Variants in BRD10 observed in about 807,000 individuals in gnomAD.
The protein encoded by BRD10 is uncharacterized bromodomain-containing protein 10.
the BRD10 span, among the ~76,000 whole-genome samples, chr9:5,947,427 G>T: frequency 7.2e-5 from 11 of 152,148 alleles, no homozygotes; most frequent in African/African-American, 2.4e-4. Context: ...GAAAATACAA[G>T]ATTAATTTCC....
At chr9:5,903,432 T>C in the BRD10 span, among the ~76,000 whole-genome samples, 3 of 152,354 alleles carry the variant, frequency 2.0e-5, no homozygotes, top group African/African-American at 7.2e-5. Context: ...TTGAGTTTTT[T>C]TGCATCTATA....
At chr9:5,914,160 G>C in the BRD10 span, 2 of 392,070 alleles carry the variant, frequency 5.1e-6, no homozygotes, top group Non-Finnish European at 1.0e-5. Context: ...CCACGTGCAG[G>C]GGATCCCATG....
the BRD10 span, chr9:5,898,943 C>T: frequency 1.3e-5 from 2 of 152,136 alleles, no homozygotes; most frequent in Non-Finnish European, 2.9e-5. Context: ...CTTCTTTACC[C>T]AAATATGCAG....
At chr9:5,979,875 G>T in the BRD10 span, among the ~76,000 whole-genome samples, 1 of 151,640 alleles carries the variant, frequency 6.6e-6, no homozygotes, top group Non-Finnish European at 1.5e-5. Flanking sequence ...CATTAGCTGG[G>T]CATAGTGGCA....
chr9:5,965,526 T>C, the BRD10 span, among the ~76,000 whole-genome samples: 9 of 152,356 alleles, frequency 5.9e-5, no homozygotes, highest in African/African-American at 1.2e-4. Flanking sequence ...GTCTAATTCA[T>C]ACATTTTTCA....
chr9:5,933,557 A>C, the BRD10 span, among the ~76,000 whole-genome samples: 1 of 152,200 alleles, frequency 6.6e-6, no homozygotes, highest in African/African-American at 2.4e-5. Context: ...GATTGCTACA[A>C]CAAGGAACTG....
chr9:5,923,247 A>G, the BRD10 span: 1 of 1,613,626 alleles, frequency 6.2e-7, no homozygotes, highest in Non-Finnish European at 8.5e-7. Context: ...TTTGAAGGCA[A>G]TTCCTTTTTC....
the BRD10 span, chr9:5,913,843 G>T: frequency 7.8e-6 from 2 of 255,858 alleles, no homozygotes; most frequent in Non-Finnish European, 1.6e-5. Flanking sequence ...ACAGTTCAAA[G>T]AAATGGTCTC....
At chr9:5,954,390 A>G in the BRD10 span, among the ~76,000 whole-genome samples, 12 of 152,244 alleles carry the variant, frequency 7.9e-5, no homozygotes, top group African/African-American at 2.9e-4. Context: ...AAGTCACATT[A>G]CTACTGCTTA....
the BRD10 span, among the ~76,000 whole-genome samples, chr9:5,965,821 A>G: frequency 6.6e-6 from 1 of 152,222 alleles, no homozygotes; most frequent in Non-Finnish European, 1.5e-5. Flanking sequence ...GTATGCCCCG[A>G]ACTGACTATG....
the BRD10 span, among the ~76,000 whole-genome samples, chr9:5,993,481 T>C: frequency 2.6e-5 from 4 of 152,156 alleles, no homozygotes; most frequent in African/African-American, 7.2e-5. Flanking sequence ...TATTTACAAA[T>C]GTGCAGGCAA....
chr9:5,984,045 T>A, the BRD10 span, among the ~76,000 whole-genome samples: 1 of 146,168 alleles, frequency 6.8e-6, no homozygotes, highest in African/African-American at 2.6e-5. Flanking sequence ...AAATAAAAAC[T>A]TTTTCAGTCA....
the BRD10 span, among the ~76,000 whole-genome samples, chr9:5,903,509 T>C: frequency 6.6e-6 from 1 of 152,238 alleles, no homozygotes; most frequent in Non-Finnish European, 1.5e-5. Flanking sequence ...ATTAGGGTAA[T>C]GTTGGCCTCA....
At chr9:5,897,455 G>A in the BRD10 span, 1 of 1,046,770 alleles carries the variant, frequency 9.6e-7, no homozygotes, top group Non-Finnish European at 1.5e-6. Context: ...ATGCTGCTCT[G>A]GGTCGTCAAA....
the BRD10 span, among the ~76,000 whole-genome samples, chr9:6,005,025 G>A: frequency 6.6e-6 from 1 of 152,034 alleles, no homozygotes; most frequent in Middle Eastern, 3.2e-3. Context: ...TACCTCTACT[G>A]GCCTAAGAAT....
chr9:5,994,458 G>C, the BRD10 span, among the ~76,000 whole-genome samples: 6 of 152,082 alleles, frequency 3.9e-5, no homozygotes, highest in African/African-American at 1.4e-4. Flanking sequence ...ACTTATTAAA[G>C]ACCATTAAAC....
chr9:5,930,163 C>T, the BRD10 span, among the ~76,000 whole-genome samples: 2 of 145,268 alleles, frequency 1.4e-5, no homozygotes, highest in African/African-American at 5.1e-5. Flanking sequence ...TCACACATCA[C>T]ACAATCCACA....
chr9:6,006,027 C>G, the BRD10 span, among the ~76,000 whole-genome samples: 1 of 152,156 alleles, frequency 6.6e-6, no homozygotes, highest in African/African-American at 2.4e-5. Flanking sequence ...TTTTAAATTA[C>G]AGTGACAAAT....
At chr9:5,913,368 G>C in the BRD10 span, among the ~76,000 whole-genome samples, 6 of 152,162 alleles carry the variant, frequency 3.9e-5, no homozygotes, top group Non-Finnish European at 7.4e-5. Flanking sequence ...ACAGTTACAT[G>C]ATGATGCATC....
Sources: allele counts gnomAD v4.1 joint callset (sites outside exome capture counted in the v4.1 genomes callset), GRCh38; gene constraint gnomAD v4.1.1; transcripts MANE v1.5; gene names NCBI Gene and HGNC (gene_info 2026-07-23, HGNC 2026-07-21).